The following FN3K variants were observed in gnomAD, a reference collection of about 807,000 sequenced individuals.
The protein encoded by FN3K is fructosamine-3-kinase.
A neutral mutation model predicts 24.8 loss-of-function variants in FN3K; 24 were observed. The ratio of observed to expected loss-of-function variants is 0.97; its 90% CI spans 0.70 to 1.36. The LOEUF is 1.36. Among genes scored for constraint, FN3K ranks in the 40% most tolerant of loss-of-function variants. The pLI is 0.00. For synonymous variants in FN3K, 192 were observed against 175.2 expected (o/e 1.10, Z -0.76); for missense variants, 449 against 416.7 (o/e 1.08, Z -0.67).
At chr17:82,738,322 G>A (rs981159893) in intron 1 of FN3K, 167 bp from the exon 2 acceptor site, 2 of 825,836 alleles carry the variant, frequency 2.4e-6, no homozygotes, top group Non-Finnish European at 3.7e-6. Flanking sequence ...CCGACGGGGG[G>A]CCCCTCTGCA....
Position 82,750,982 on chromosome 17 carries a change from TG to T in FN3K, c.*228del. On this transcript the variant is annotated 3_prime_UTR_variant, in exon 6 of 6. Transcript: ENST00000300784. Reference sequence around the variant, plus strand: ...CCCCCTGTCCACATACCAATCCCCCTGTCCCCGACCCCCCATCCCCGTCCCC... The same window carrying T: ...CCCCCTGTCCACATACCAATCCCCCTTCCCCGACCCCCCATCCCCGTCCCC... 1 of 146,542 alleles carries T rather than the reference TG, an allele frequency of 6.8e-6. No individual in the cohort carries two copies. Among genetic ancestry groups the T allele is most frequent in the Non-Finnish European group, 1.2e-5 (1 of 83,372 alleles). 9.1% of individuals were successfully genotyped at this position (146,542 alleles called of 1,614,324 possible).
At chr17:82,737,550 C>T (rs1784757483) in intron 1 of FN3K, among the ~76,000 whole-genome samples, 1 of 152,164 alleles carries the variant, frequency 6.6e-6, no homozygotes, top group Non-Finnish European at 1.5e-5. Context: ...TCTCAATCTC[C>T]TGACCTTGTG....
intron 3 of FN3K, 90 bp from the exon 4 acceptor site, chr17:82,741,221 G>T (rs757861880): frequency 2.5e-6 from 3 of 1,185,906 alleles, no homozygotes; most frequent in East Asian, 5.0e-5. Context: ...TCTAGCATGC[G>T]TAGCCCAGGC....
intron 4 of FN3K, among the ~76,000 whole-genome samples, chr17:82,741,850 C>T (rs2046942593): frequency 6.6e-6 from 1 of 152,226 alleles, no homozygotes; most frequent in African/African-American, 2.4e-5. Context: ...TTAGTACATT[C>T]GTGATGGTGT....
At chr17:82,738,199 C>T (rs1440654466) in intron 1 of FN3K, 3 of 418,560 alleles carry the variant, frequency 7.2e-6, no homozygotes, top group Non-Finnish European at 1.3e-5. Flanking sequence ...TCCCCACGCC[C>T]TCAGTGCTCC....
At chr17:82,737,536 A>G (rs554785946) in intron 1 of FN3K, among the ~76,000 whole-genome samples, 1 of 152,060 alleles carries the variant, frequency 6.6e-6, no homozygotes, top group Non-Finnish European at 1.5e-5. Context: ...GTTAGCCAGG[A>G]TGGTCTCAAT....
chr17:82,746,629 C>T (rs986761684), intron 4 of FN3K, among the ~76,000 whole-genome samples: 1 of 151,834 alleles, frequency 6.6e-6, no homozygotes, highest in Non-Finnish European at 1.5e-5. Flanking sequence ...GGTGAAACCC[C>T]ATCTCTACTA....
chr17:82,750,547 A>G lies in FN3K; in HGVS notation c.722A>G (p.His241Arg), dbSNP rs2047006471. 1.9e-6 allele frequency: 3 copies of G among 1,614,098 alleles called. No individual in the cohort carries two copies. Among genetic ancestry groups the G allele is most frequent in the Admixed American group, 1.7e-5 (1 of 60,016 alleles). ...TACGACCCGGCTTCCTTCTATGGCC[A>G]TTCCGAGTTTGAACTGGCAATCGCC... ...IIYDPASFYGHSEFELAIALM... is the reference protein window; with the variant it reads ...IIYDPASFYGRSEFELAIALM... Residue 241 changes from histidine (H) to arginine (R), a missense_variant, in exon 6 of 6, where the codon CAT becomes CGT. Coordinates refer to ENST00000300784, the MANE Select transcript of FN3K (RefSeq NM_022158.4).
At chr17:82,740,942 A>G (rs2046937862) in intron 3 of FN3K, 88 bp downstream of exon 3, 16 of 859,830 alleles carry the variant, frequency 1.9e-5, no homozygotes, top group Middle Eastern at 3.0e-4. Context: ...GTGGCATTTC[A>G]ATAATAGGTT....
rs779823414 is a variant in FN3K at position 82,750,643 on chromosome 17, T to C, written c.818T>C (p.Phe273Ser). The C allele has an allele frequency of 2.5e-6, 4 of 1,614,074 alleles. No individual in the cohort carries two copies. Among genetic ancestry groups the C allele is most frequent in the Non-Finnish European group, 3.4e-6 (4 of 1,180,002 alleles). The change falls in exon 6 of 6, where the codon TTC becomes TCC. Residue 273 changes from phenylalanine to serine, a missense_variant. By Grantham distance (155) the Phe-to-Ser change is radical (BLOSUM62 -2). Transcript: ENST00000300784. The stretch of plus-strand genomic sequence containing the variant: ...CGGAAGATCCCCAAGGCTCCGGGCT[T>C]CGACCAGCGGCTGCTGCTCTACCAG... ...YHRKIPKAPG[F>S]DQRLLLYQLF...
Position 82,743,567 on chromosome 17 carries a change from A to AG in FN3K, c.468+2176dup, listed in dbSNP as rs1268159445. ...GGGCTCCTCAGACACCTGGGCACTA[A>AG]GGCCCCCTGGGGCTGCCAGCTGGGT... On this transcript the variant is annotated intron_variant, in intron 4 of 5. Coordinates refer to ENST00000300784, the MANE Select transcript of FN3K (RefSeq NM_022158.4). Among the ~76,000 whole-genome samples the AG allele has an allele frequency of 1.8e-4, 27 of 152,218 alleles. No homozygotes were observed. The East Asian group carries it at 4.6e-3, about 26-fold the overall frequency.
chr17:82,748,775 G>A (rs2046982983), intron 4 of FN3K, 80 bp from the exon 5 acceptor site: 7 of 1,605,440 alleles, frequency 4.4e-6, no homozygotes, highest in Non-Finnish European at 6.0e-6. Flanking sequence ...ATCTTTGCTG[G>A]GTTTTGAATG....
chr17:82,749,058 C>A, intron 5 of FN3K, 81 bp downstream of exon 5: 1 of 1,590,522 alleles, frequency 6.3e-7, no homozygotes, highest in East Asian at 2.3e-5. Context: ...ATCTGTAAAA[C>A]GGAGCTGGAG....
intron 4 of FN3K, among the ~76,000 whole-genome samples, chr17:82,742,403 T>C (rs2046945996): frequency 6.6e-6 from 1 of 152,196 alleles, no homozygotes; most frequent in South Asian, 2.1e-4. Flanking sequence ...CCCCCTTTCC[T>C]GGTCCCTGGC....
chr17:82,737,041 T>TG (rs1454421773), intron 1 of FN3K, among the ~76,000 whole-genome samples: 2 of 152,024 alleles, frequency 1.3e-5, no homozygotes, highest in African/African-American at 4.8e-5. Context: ...GCCTGGTGCA[T>TG]GGGGGGCTCG....
chr17:82,740,381 T>C lies in FN3K; in HGVS notation c.294-382T>C, dbSNP rs529547630. On this transcript the variant is annotated intron_variant, in intron 2 of 5. Transcript: ENST00000300784. ...TGGTGGTTCACACCTGTAATCCCAG[T>C]ATTTTGGAAAGCCGAGGCAGGAGGA... Among the ~76,000 whole-genome samples the C allele has an allele frequency of 1.3e-4, 18 of 138,738 alleles. No homozygotes were observed. The South Asian group carries it at 3.0e-3, about 23-fold the overall frequency. 91.0% of individuals were successfully genotyped at this position (138,738 alleles called of 152,430 possible).
intron 5 of FN3K, 53 bp from the exon 6 acceptor site, chr17:82,750,364 A>T: frequency 6.7e-7 from 1 of 1,500,864 alleles, no homozygotes; most frequent in East Asian, 2.3e-5. Context: ...GAACGAGGTG[A>T]TGAGACCGGG....
rs1044605221 is a variant in FN3K at position 82,741,609 on chromosome 17, C to G, written c.468+216C>G. On this transcript the variant is annotated intron_variant, in intron 4 of 5. Coordinates refer to ENST00000300784, the MANE Select transcript of FN3K (RefSeq NM_022158.4). ...ATGGGACATGCTGGGGCAGGCAGAT[C>G]AGCATTCCAAGCAGAGCGAGCCTCA... 7.6e-6 allele frequency: 4 copies of G among 525,340 alleles called. No individual in the cohort carries two copies. The East Asian group carries it at 1.0e-4, about 14-fold the overall frequency. 32.5% of individuals were successfully genotyped at this position (525,340 alleles called of 1,614,324 possible). A position where few individuals can be genotyped will look rare whatever the true frequency, so the allele number is the denominator to read the frequency against.
intron 5 of FN3K, chr17:82,749,214 T>C (rs2046986684): frequency 1.7e-6 from 1 of 602,170 alleles, no homozygotes; most frequent in African/African-American, 1.8e-5. Context: ...ACCAGGTATT[T>C]AGCCTCAGAC....
Sources: allele counts gnomAD v4.1 joint callset (sites outside exome capture counted in the v4.1 genomes callset), GRCh38; gene constraint gnomAD v4.1.1; transcripts MANE v1.5; gene names NCBI Gene and HGNC (gene_info 2026-07-23, HGNC 2026-07-21).